The following CHD6 variants were observed in gnomAD, a reference collection of about 807,000 sequenced individuals.
The protein encoded by CHD6 is chromodomain helicase DNA binding protein 6, also known as ATP-dependent chromatin remodeler CHD6.
Under a neutral mutation model 276.9 loss-of-function variants are expected in CHD6, and 50 were observed. The observed-to-expected ratio is 0.18, with a 90% confidence interval of 0.14 to 0.23. CHD6 has a LOEUF of 0.23. CHD6 is among the 10% of genes least tolerant of loss of function. The pLI is 1.00. For synonymous variants in CHD6, 1,173 were observed against 1,229.3 expected (o/e 0.95, Z 0.96); for missense variants, 2,564 against 3,365.8 (o/e 0.76, Z 5.89).
intron 1 of CHD6, among the ~76,000 whole-genome samples, chr20:41,616,901 C>T (rs1220623531): frequency 1.3e-5 from 2 of 152,092 alleles, no homozygotes; most frequent in Non-Finnish European, 2.9e-5. Flanking sequence ...ATGGGACAGA[C>T]CCCCAATAAG....
intron 36 of CHD6, among the ~76,000 whole-genome samples, chr20:41,408,648 T>C (rs1239632649): frequency 6.6e-6 from 1 of 152,270 alleles, no homozygotes; most frequent in East Asian, 1.9e-4. Flanking sequence ...TTCTGAGCCC[T>C]CTTCCTGCAG....
intron 1 of CHD6, among the ~76,000 whole-genome samples, chr20:41,582,426 G>A (rs930381154): frequency 4.6e-5 from 7 of 152,158 alleles, no homozygotes; most frequent in African/African-American, 1.4e-4. Flanking sequence ...AAATAGTAAA[G>A]TCATACTCCA....
chr20:41,539,597 C>T (rs2044901019), intron 2 of CHD6, among the ~76,000 whole-genome samples: 1 of 152,236 alleles, frequency 6.6e-6, no homozygotes. Flanking sequence ...ATTACAGCCA[C>T]TGCCCAGGGA....
chr20:41,450,245 G>A (rs1334069854), intron 23 of CHD6, among the ~76,000 whole-genome samples: 1 of 152,186 alleles, frequency 6.6e-6, no homozygotes, highest in Non-Finnish European at 1.5e-5. Flanking sequence ...TTGATTACCA[G>A]AGGTGTGCGA....
At chr20:41,489,184 G>A (rs1321604705) in intron 12 of CHD6, among the ~76,000 whole-genome samples, 1 of 152,134 alleles carries the variant, frequency 6.6e-6, no homozygotes, top group Non-Finnish European at 1.5e-5. Context: ...AAGTGTCTCT[G>A]CTGTTTTTGA....
chr20:41,557,963 T>C (rs577405930), intron 1 of CHD6, among the ~76,000 whole-genome samples: 12 of 152,268 alleles, frequency 7.9e-5, no homozygotes, highest in Non-Finnish European at 2.9e-5. Flanking sequence ...GGGTATACCA[T>C]GGGGATTTTA....
intron 1 of CHD6, among the ~76,000 whole-genome samples, chr20:41,564,902 T>C (rs2045339383): frequency 1.3e-5 from 2 of 152,100 alleles, no homozygotes; most frequent in Admixed American, 1.3e-4. Context: ...GAGCCATTAA[T>C]TGAAGATTTC....
intron 27 of CHD6, among the ~76,000 whole-genome samples, chr20:41,434,747 G>A (rs983836650): frequency 2.6e-5 from 4 of 152,184 alleles, no homozygotes; most frequent in African/African-American, 4.8e-5. Flanking sequence ...GAGCTGAAAG[G>A]AGACATAAAT....
intron 1 of CHD6, among the ~76,000 whole-genome samples, chr20:41,596,960 C>T (rs2045724005): frequency 1.3e-5 from 2 of 152,106 alleles, no homozygotes; most frequent in South Asian, 4.2e-4. Flanking sequence ...AAAAATCATG[C>T]TGTCCGCTCT....
rs747951764 is a variant in CHD6, at chr20:41,551,323, TATTTTC to T, written c.9_14del (p.Met3_Lys4del). On this transcript the variant is annotated inframe_deletion, in exon 2 of 37. Transcript: ENST00000373233. ...CACTTACCTGCTTCTCTTTTTTCTGTATTTTCATTTTCATCTATTGAAGGAAGATAT... is the reference window on the plus strand; with the variant it reads ...CACTTACCTGCTTCTCTTTTTTCTGTATTTTCATCTATTGAAGGAAGATAT... The T allele has an allele frequency of 4.7e-6, 7 of 1,480,028 alleles. No individual in the cohort carries two copies. The highest frequency in any genetic ancestry group is 1.7e-4 in the Middle Eastern group (1 of 5,730). The allele number at this position is 1,480,028 out of a possible 1,614,324, so 91.7% of individuals were successfully genotyped here. A position where few individuals can be genotyped will look rare whatever the true frequency, so the allele number is the denominator to read the frequency against.
chr20:41,555,450 C>T (rs9753720), intron 1 of CHD6, among the ~76,000 whole-genome samples: 48,087 of 142,678 alleles, frequency 0.34, 8,658 homozygotes, highest in African/African-American at 0.54. Context: ...GGCTGCCGGG[C>T]GGAGACGCTC....
chr20:41,415,318 A>T lies in CHD6; in HGVS notation c.6807T>A (p.Thr2269=). The change falls in exon 34 of 37, where the codon ACT becomes ACA. Residue 2269 remains threonine (T), a synonymous_variant. Transcript: ENST00000373233. ...ILQAGLIHPV[T]GQIVNGSLRR... Reference sequence around the variant, plus strand: ...TGAGGCTTCCATTGACAATCTGTCCAGTCACAGGATGGATCAGGCCAGCTT... The same window carrying T: ...TGAGGCTTCCATTGACAATCTGTCCTGTCACAGGATGGATCAGGCCAGCTT... 6.2e-7 allele frequency: 1 copy of T among 1,614,128 alleles called. No homozygotes were observed. The highest frequency in any genetic ancestry group is 8.5e-7 in the Non-Finnish European group (1 of 1,180,030).
chr20:41,557,611 C>A (rs2045255249), intron 1 of CHD6, among the ~76,000 whole-genome samples: 1 of 152,138 alleles, frequency 6.6e-6, no homozygotes, highest in Non-Finnish European at 1.5e-5. Flanking sequence ...TACTAACAAT[C>A]CCTGCTCAGT....
intron 36 of CHD6, among the ~76,000 whole-genome samples, chr20:41,406,603 TAAAC>T (rs938085055): frequency 9.2e-5 from 14 of 152,210 alleles, no homozygotes; most frequent in African/African-American, 3.4e-4. Flanking sequence ...CCCTGGAGCG[TAAAC>T]AAACCACTGC....
In CHD6 at chr20:41,415,509, T is replaced by A; in HGVS notation, c.6616A>T (p.Ile2206Phe). The change falls in exon 34 of 37, where the codon ATC (isoleucine) becomes TTC (phenylalanine). Residue 2206 changes from isoleucine to phenylalanine, a missense_variant. Physicochemically the swap from Ile to Phe is conservative, Grantham distance 21. Around this residue, in one of 7 missense-constraint regions of CHD6, gnomAD observed 1,024 missense variants for 1,047.9 expected, o/e 0.98. Transcript: ENST00000373233. ...QFSATHGHTP[I>F]ILNGWHGESA... Reference sequence around the variant, plus strand: ...TCCCCATGCCAGCCATTGAGGATGATAGGGGTGTGCCCGTGGGTGGCAGAG... The same window carrying A: ...TCCCCATGCCAGCCATTGAGGATGAAAGGGGTGTGCCCGTGGGTGGCAGAG... The A allele has an allele frequency of 1.9e-6, 3 of 1,614,078 alleles. No homozygotes were observed. Among genetic ancestry groups the A allele is most frequent in the Non-Finnish European group, 2.5e-6 (3 of 1,179,986 alleles).
intron 30 of CHD6, among the ~76,000 whole-genome samples, chr20:41,422,422 T>C (rs374167399): frequency 4.6e-5 from 7 of 152,034 alleles, no homozygotes; most frequent in African/African-American, 1.7e-4. Context: ...GAGGATCACT[T>C]GAGGCCAGGA....
intron 17 of CHD6, among the ~76,000 whole-genome samples, chr20:41,464,042 GC>G (rs1023195328): frequency 1.3e-5 from 2 of 152,148 alleles, no homozygotes; most frequent in African/African-American, 4.8e-5. Flanking sequence ...GTGAGAAAGG[GC>G]AAAAATGATA....
intron 8 of CHD6, 36 bp downstream of exon 8, chr20:41,497,336 TGCTGCAAGAAAA>T: frequency 8.5e-7 from 1 of 1,169,820 alleles, no homozygotes; most frequent in Non-Finnish European, 1.3e-6. Context: ...CAGTATTTAC[TGCTGCAAGAAAA>T]GCAGCAGTCA....
intron 2 of CHD6, among the ~76,000 whole-genome samples, chr20:41,540,754 T>C (rs557729537): frequency 1.3e-5 from 2 of 152,168 alleles, no homozygotes; most frequent in Non-Finnish European, 2.9e-5. Flanking sequence ...AGGGAGAAGA[T>C]GGTGTTCTGT....
Sources: allele counts gnomAD v4.1 joint callset (sites outside exome capture counted in the v4.1 genomes callset), GRCh38; gene constraint gnomAD v4.1.1; regional missense constraint gnomAD v4.1.1; transcripts MANE v1.5; gene names NCBI Gene and HGNC (gene_info 2026-07-23, HGNC 2026-07-21).